The following THSD4 variants were observed in gnomAD, a reference collection of about 807,000 sequenced individuals.
THSD4 encodes the protein thrombospondin type 1 domain containing 4, also known as thrombospondin type-1 domain-containing protein 4.
In THSD4, 69 loss-of-function variants were observed where a neutral mutation model predicts 119.0. That is an observed-to-expected ratio of 0.58 (90% CI 0.48 to 0.71). The LOEUF (loss-of-function observed/expected upper bound fraction) is 0.71, where lower values mean the gene tolerates loss of function less well. THSD4 is among the 30% of genes least tolerant of loss of function. The pLI is 0.00. For missense variants in THSD4, 1,393 were observed against 1,391.1 expected, an observed-to-expected ratio of 1.00 and a Z score of -0.02; for synonymous variants, 524 against 540.4, an observed-to-expected ratio of 0.97 and a Z score of 0.42.
At chr15:71,357,808 T>C (rs1375535202) in intron 6 of THSD4, among the ~76,000 whole-genome samples, 1 of 152,146 alleles carries the variant, frequency 6.6e-6, no homozygotes, top group Non-Finnish European at 1.5e-5. Flanking sequence ...CTGAAAATAA[T>C]TGAGTTATAT....
intron 7 of THSD4, among the ~76,000 whole-genome samples, chr15:71,442,662 ATATATAT>A (rs2047123588): frequency 8.3e-5 from 3 of 36,054 alleles, no homozygotes; most frequent in African/African-American, 2.6e-4. Context: ...GTGTGTGTGT[ATATATAT>A]ATATATATAT....
At chr15:71,380,447 T>A (rs374984132) in intron 6 of THSD4, among the ~76,000 whole-genome samples, 2 of 152,178 alleles carry the variant, frequency 1.3e-5, no homozygotes, top group East Asian at 3.9e-4. Flanking sequence ...CGTTTGATGC[T>A]CAATGAATGG....
At chr15:71,582,292 T>A (rs937585652) in intron 7 of THSD4, among the ~76,000 whole-genome samples, 6 of 152,198 alleles carry the variant, frequency 3.9e-5, no homozygotes, top group Admixed American at 6.5e-5. Context: ...AGTTCATTGT[T>A]AATGTATAGA....
Position 71,777,582 on chromosome 15 carries a change from G to A in THSD4, c.*208G>A. Reference sequence around the variant, plus strand: ...TTGAAAGCCACAGTCAGTCCTTTAAGCATCACCATGTACTGATGATCCCCT... The same window carrying A: ...TTGAAAGCCACAGTCAGTCCTTTAAACATCACCATGTACTGATGATCCCCT... On this transcript the variant is annotated 3_prime_UTR_variant, in exon 18 of 18. Coordinates refer to ENST00000261862, the MANE Select transcript of THSD4 (RefSeq NM_024817.3). The A allele has an allele frequency of 1.6e-6, 1 of 633,444 alleles. No homozygotes were observed. The highest frequency in any genetic ancestry group is 2.8e-5 in the East Asian group (1 of 35,482). The allele number at this position is 633,444 out of a possible 1,614,324, so 39.2% of individuals were successfully genotyped here. A position where few individuals can be genotyped will look rare whatever the true frequency, so the allele number is the denominator to read the frequency against.
chr15:71,562,648 T>C (rs2140883272), intron 7 of THSD4, among the ~76,000 whole-genome samples: 1 of 152,020 alleles, frequency 6.6e-6, no homozygotes, highest in Admixed American at 6.5e-5. Context: ...GCTTCATGCC[T>C]ATTCTAAGTC....
intron 8 of THSD4, among the ~76,000 whole-genome samples, chr15:71,719,200 T>C (rs1359234666): frequency 6.6e-6 from 1 of 152,196 alleles, no homozygotes; most frequent in East Asian, 1.9e-4. Context: ...GCCTTGGCAC[T>C]TCCCTTCGTT....
intron 6 of THSD4, among the ~76,000 whole-genome samples, chr15:71,405,387 T>G (rs2046591797): frequency 6.6e-6 from 1 of 152,230 alleles, no homozygotes; most frequent in South Asian, 2.1e-4. Context: ...CCATATATTT[T>G]AGAGTCCCAC....
intron 6 of THSD4, among the ~76,000 whole-genome samples, chr15:71,365,599 C>T (rs1235855300): frequency 6.6e-6 from 1 of 152,106 alleles, no homozygotes; most frequent in Non-Finnish European, 1.5e-5. Context: ...CTGTTCTGTT[C>T]TCTTGCTTCC....
chr15:71,635,262 C>A (rs1216328120), intron 7 of THSD4, among the ~76,000 whole-genome samples: 1 of 152,114 alleles, frequency 6.6e-6, no homozygotes, highest in African/African-American at 2.4e-5. Flanking sequence ...ACCTTGACTT[C>A]CAGGCTTGTA....
At chr15:71,113,617 A>T (rs1319089994), upstream of THSD4, 1 of 152,146 alleles carries the variant, frequency 6.6e-6, no homozygotes, top group East Asian at 1.9e-4. Context: ...GCTCTTAAAT[A>T]CTTCTGCATT....
At chr15:71,144,316 G>A (rs1017647793) in intron 2 of THSD4, among the ~76,000 whole-genome samples, 3 of 152,168 alleles carry the variant, frequency 2.0e-5, no homozygotes, top group Non-Finnish European at 2.9e-5. Context: ...AGAAGCAAAA[G>A]TAGAGTGTCT....
intron 3 of THSD4, among the ~76,000 whole-genome samples, chr15:71,193,625 C>T (rs565225544): frequency 1.1e-4 from 16 of 152,280 alleles, no homozygotes; most frequent in African/African-American, 3.8e-4. Flanking sequence ...TGGGAGGGAC[C>T]CGGTAGAGAT....
chr15:71,144,240 C>G (rs2040634834), intron 2 of THSD4, among the ~76,000 whole-genome samples: 1 of 152,144 alleles, frequency 6.6e-6, no homozygotes, highest in Admixed American at 6.5e-5. Context: ...CTTCATAAAC[C>G]AGGTGCACAT....
intron 7 of THSD4, among the ~76,000 whole-genome samples, chr15:71,644,572 T>C (rs2050930614): frequency 6.6e-6 from 1 of 152,204 alleles, no homozygotes. Context: ...CAATACTCTA[T>C]GCCACCTTTG....
chr15:71,100,439 G>T lies in THSD4; in HGVS notation c.-80+3433G>T, dbSNP rs186270918. 2.9e-4 allele frequency among the ~76,000 whole-genome samples: 44 copies of T among 152,296 alleles called. 1 individual carries two copies. Among genetic ancestry groups the T allele is most frequent in the African/African-American group, 1.0e-3 (42 of 41,570 alleles). On this transcript the variant is annotated intron_variant, in intron 1 of 17. Coordinates refer to the THSD4 transcript ENST00000355327. ...ATTGTCTGAACAACTGTGCTTGCAA[G>T]CTTAGAATCAGATTTTTCCCCAGTA...
At chr15:71,664,481 G>T (rs2051376438) in intron 8 of THSD4, among the ~76,000 whole-genome samples, 1 of 152,066 alleles carries the variant, frequency 6.6e-6, no homozygotes, top group African/African-American at 2.4e-5. Flanking sequence ...TGAAGCTGAT[G>T]ATTTAATCAC....
intron 8 of THSD4, among the ~76,000 whole-genome samples, chr15:71,666,364 T>G (rs2051416828): frequency 6.6e-6 from 1 of 152,188 alleles, no homozygotes; most frequent in African/African-American, 2.4e-5. Flanking sequence ...GCAGGTTTGT[T>G]ACATAGTTAA....
At chr15:71,309,072 C>A (rs542789582) in intron 6 of THSD4, among the ~76,000 whole-genome samples, 1 of 152,172 alleles carries the variant, frequency 6.6e-6, no homozygotes, top group Non-Finnish European at 1.5e-5. Context: ...ACTTCAGCCT[C>A]CCGAGTAGCT....
At chr15:71,155,176 G>A (rs919624498) in intron 3 of THSD4, among the ~76,000 whole-genome samples, 6 of 152,248 alleles carry the variant, frequency 3.9e-5, no homozygotes, top group Non-Finnish European at 7.3e-5. Flanking sequence ...GAAGCATGAT[G>A]CTGGTCATCT....
Sources: allele counts gnomAD v4.1 joint callset (sites outside exome capture counted in the v4.1 genomes callset), GRCh38; gene constraint gnomAD v4.1.1; transcripts MANE v1.5; gene names NCBI Gene and HGNC (gene_info 2026-07-23, HGNC 2026-07-21).